DLG5: variants seen among roughly 807,000 people sequenced by gnomAD.
DLG5 encodes disks large homolog 5.
In DLG5, 48 loss-of-function variants were observed where a neutral mutation model predicts 189.8. That is an observed-to-expected ratio of 0.25 (90% CI 0.20 to 0.32). The LOEUF (loss-of-function observed/expected upper bound fraction) is 0.32, where lower values mean the gene tolerates loss of function less well. DLG5 is among the 10% of genes least tolerant of loss of function. The pLI, the probability that DLG5 is intolerant of heterozygous loss-of-function variation, is 1.00. For synonymous variants in DLG5, 1,016 were observed against 1,054.1 expected, an observed-to-expected ratio of 0.96 and a Z score of 0.70; for missense variants, 2,160 against 2,544.7, an observed-to-expected ratio of 0.85 and a Z score of 3.25.
At chr10:77,893,487 G>T (rs891009254) in intron 1 of DLG5, among the ~76,000 whole-genome samples, 3 of 152,198 alleles carry the variant, frequency 2.0e-5, no homozygotes, top group African/African-American at 7.2e-5. Context: ...TCCTCCAGTG[G>T]CCCTGCCAGG....
At chr10:77,844,030 A>G (rs1843561900) in intron 5 of DLG5, among the ~76,000 whole-genome samples, 1 of 152,220 alleles carries the variant, frequency 6.6e-6, no homozygotes, top group Non-Finnish European at 1.5e-5. Context: ...GAACCCGAAC[A>G]GTAAACAGTT....
chr10:77,820,927 G>T lies in DLG5; in HGVS notation c.3402+155C>A, dbSNP rs1374880824. ...TTCCACGCCACTTACCTACCTCCTA[G>T]CTGGGCCACTTCCCACTTGAGTCCA... On this transcript the variant is annotated intron_variant, in intron 15 of 31. Transcript: ENST00000372391. 19 of 946,728 alleles carry T rather than the reference G, an allele frequency of 2.0e-5. No individual in the cohort carries two copies. The South Asian group carries it at 3.0e-4, about 15-fold the overall frequency. The allele number at this position is 946,728 out of a possible 1,614,324, so 58.6% of individuals were successfully genotyped here.
Position 77,821,273 on chromosome 10 carries a change from C to T in DLG5, c.3211G>A (p.Val1071Ile). The T allele has an allele frequency of 6.2e-7, 1 of 1,613,816 alleles. No homozygotes were observed. Among genetic ancestry groups the T allele is most frequent in the South Asian group, 1.1e-5 (1 of 91,084 alleles). ...GGGTAGTAGCTGGAAGCAATGCGGA[C>T]CCTGGCCTTGCGAGGGGGTGATGCG... is the stretch of plus-strand genomic sequence containing the variant. ...MHASPPRKAR[V>I]RIASSYYPEG... Residue 1071 changes from valine (V) to isoleucine (I), a missense_variant, in exon 15 of 32, where the codon GTC becomes ATC. Physicochemically the swap from Val to Ile is conservative, Grantham distance 29. Transcript: ENST00000372391.
chr10:77,791,160 G>A lies in DLG5; in HGVS notation c.*1280C>T, dbSNP rs1840627304. ...ACAATCTAGTGTCTAGAATTACAAAGAATAAAATGAAATCAAAGATTTCTC... is the reference window on the plus strand; with the variant it reads ...ACAATCTAGTGTCTAGAATTACAAAAAATAAAATGAAATCAAAGATTTCTC... On this transcript the variant is annotated 3_prime_UTR_variant, in exon 32 of 32. Transcript: ENST00000372391. 1 of 152,440 alleles carries A rather than the reference G, an allele frequency of 6.6e-6. No homozygotes were observed. The highest frequency in any genetic ancestry group is 2.4e-5 in the African/African-American group (1 of 41,372). The allele number at this position is 152,440 out of a possible 1,614,324, so 9.4% of individuals were successfully genotyped here.
At chr10:77,813,157 T>C (rs372869009) in intron 20 of DLG5, among the ~76,000 whole-genome samples, 1 of 152,244 alleles carries the variant, frequency 6.6e-6, no homozygotes, top group Non-Finnish European at 1.5e-5. Flanking sequence ...AGTCAAGTGA[T>C]GCGGAGCCTC....
At chr10:77,881,618 G>A (rs746446476) in intron 1 of DLG5, among the ~76,000 whole-genome samples, 5 of 152,184 alleles carry the variant, frequency 3.3e-5, no homozygotes, top group African/African-American at 1.2e-4. Flanking sequence ...TCTCCATCCT[G>A]GGTCTTTAGA....
chr10:77,911,239 C>T (rs1460559791), intron 1 of DLG5, among the ~76,000 whole-genome samples: 1 of 152,042 alleles, frequency 6.6e-6, no homozygotes, highest in Non-Finnish European at 1.5e-5. Context: ...GGGATCCTCC[C>T]ACCTCAGTCT....
At chr10:77,808,352 T>C (rs890483177) in intron 24 of DLG5, among the ~76,000 whole-genome samples, 2 of 152,186 alleles carry the variant, frequency 1.3e-5, no homozygotes, top group African/African-American at 4.8e-5. Context: ...CAGTAGCCTA[T>C]ACCTCTTAGG....
intron 1 of DLG5, among the ~76,000 whole-genome samples, chr10:77,922,175 C>G (rs1354393859): frequency 6.6e-6 from 1 of 152,202 alleles, no homozygotes; most frequent in African/African-American, 2.4e-5. Context: ...CCAGCCCCAC[C>G]TGGGCCAGGC....
At chr10:77,886,607 G>A (rs570729639) in intron 1 of DLG5, among the ~76,000 whole-genome samples, 29 of 152,204 alleles carry the variant, frequency 1.9e-4, no homozygotes, top group South Asian at 1.2e-3. Context: ...TGCCTGCTTT[G>A]GCCTCCCAAA....
At position 77,806,753 on chromosome 10, in the gene DLG5, C is replaced by T; in HGVS notation, c.4967+5G>A. The T allele has an allele frequency of 1.4e-6, 2 of 1,454,752 alleles. No individual in the cohort carries two copies. Among genetic ancestry groups the T allele is most frequent in the Non-Finnish European group, 1.9e-6 (2 of 1,054,864 alleles). The allele number at this position is 1,454,752 out of a possible 1,614,324, so 90.1% of individuals were successfully genotyped here. ...CACCCCACCCCAGGCCCGGAGAACA[C>T]TTACACATATTTGCTGGGAATCTGC... is the stretch of plus-strand genomic sequence containing the variant. On this transcript the variant is annotated splice_donor_5th_base_variant and intron_variant, in intron 26 of 31. Transcript: ENST00000372391.
intron 5 of DLG5, chr10:77,846,780 C>G (rs190764895): frequency 6.6e-6 from 3 of 454,056 alleles, no homozygotes; most frequent in Non-Finnish European, 1.3e-5. Flanking sequence ...AATGAGTCTG[C>G]TTTGCTGGGG....
intron 1 of DLG5, among the ~76,000 whole-genome samples, chr10:77,880,341 C>T (rs1845240105): frequency 6.6e-6 from 1 of 152,166 alleles, no homozygotes; most frequent in Non-Finnish European, 1.5e-5. Context: ...GTAATCCCAG[C>T]TACTCAGGAG....
intron 2 of DLG5, among the ~76,000 whole-genome samples, chr10:77,860,543 C>A (rs1844432979): frequency 6.6e-6 from 1 of 152,194 alleles, no homozygotes; most frequent in Non-Finnish European, 1.5e-5. Flanking sequence ...GTGATCCACC[C>A]ACTCACCTTG....
In DLG5 at chr10:77,792,454, C is replaced by G; in HGVS notation, c.5746G>C (p.Ala1916Pro). 1 of 1,614,220 alleles carries G rather than the reference C, an allele frequency of 6.2e-7. No individual in the cohort carries two copies. The highest frequency in any genetic ancestry group is 2.2e-5 in the East Asian group (1 of 44,884). ...ACAGCATTCTCCTAGAGCGGGCAGG[C>G]TGGAATCCACAGGACTTTATTTTGT... Reference protein sequence around the residue: ...QEQNKVLWIPACPL With the variant: ...QEQNKVLWIPPCPL The change falls in exon 32 of 32, where the codon GCC (alanine) becomes CCC (proline). Residue 1916 changes from alanine to proline, a missense_variant. Physicochemically the swap from Ala to Pro is conservative, Grantham distance 27. Transcript: ENST00000372391.
rs1299184506 is a variant in DLG5 at position 77,809,740 on chromosome 10, A to G, written c.4464-10T>C. On this transcript the variant is annotated splice_polypyrimidine_tract_variant and intron_variant, in intron 23 of 31. Transcript: ENST00000372391. Reference sequence around the variant, plus strand: ...GGCATCTCCCGCAATCCTTTCAGGAAAAAAACAAAGTTCCTCAACTGTGCA... The same window carrying G: ...GGCATCTCCCGCAATCCTTTCAGGAGAAAAACAAAGTTCCTCAACTGTGCA... The G allele has an allele frequency of 6.2e-7, 1 of 1,609,856 alleles. No homozygotes were observed. The highest frequency in any genetic ancestry group is 1.3e-5 in the African/African-American group (1 of 74,698).
intron 27 of DLG5, 86 bp downstream of exon 27, chr10:77,805,579 T>C (rs1841426584): frequency 7.0e-7 from 1 of 1,435,542 alleles, no homozygotes; most frequent in Non-Finnish European, 9.4e-7. Flanking sequence ...AAGACTCTCT[T>C]TTGTTTAAGT....
chr10:77,835,648 G>T, intron 8 of DLG5, 90 bp downstream of exon 8: 1 of 1,369,246 alleles, frequency 7.3e-7, no homozygotes, highest in Non-Finnish European at 9.8e-7. Context: ...TGGACATACA[G>T]TAAATGATTC....
At chr10:77,906,915 C>T (rs761088519) in intron 1 of DLG5, among the ~76,000 whole-genome samples, 4 of 152,056 alleles carry the variant, frequency 2.6e-5, no homozygotes, top group Admixed American at 6.6e-5. Context: ...TATGAGCCAC[C>T]GCGCCTGGCC....
Sources: gnomAD v4.1 joint callset for allele counts (sites outside exome capture counted in the v4.1 genomes callset) on GRCh38, gnomAD v4.1.1 for gene constraint, MANE v1.5 for transcripts, NCBI Gene and HGNC (gene_info 2026-07-23, HGNC 2026-07-21) for gene names.